LOC128092252: variants seen among roughly 807,000 people sequenced by gnomAD.
chr15:50,683,588 G>C, the LOC128092252 span, among the ~76,000 whole-genome samples: 1 of 152,112 alleles, frequency 6.6e-6, no homozygotes, highest in African/African-American at 2.4e-5. Flanking sequence ...ACAAAAATTA[G>C]CCGGGTGTGG....
chr15:50,679,035 G>A, the LOC128092252 span, among the ~76,000 whole-genome samples: 3,400 of 151,598 alleles, frequency 0.022, 124 homozygotes, highest in African/African-American at 0.078. Context: ...CACCACGCCC[G>A]GCTAATTTTT....
chr15:50,664,954 G>A, the LOC128092252 span, among the ~76,000 whole-genome samples: 5 of 152,218 alleles, frequency 3.3e-5, no homozygotes, highest in African/African-American at 1.2e-4. Context: ...GACAGAGCAA[G>A]ACCCTGTCTT....
At chr15:50,686,414 T>C in the LOC128092252 span, 2 of 1,554,614 alleles carry the variant, frequency 1.3e-6, no homozygotes, top group Non-Finnish European at 1.8e-6. Flanking sequence ...CTCAAGGCAA[T>C]TCGAGGGTCC....
the LOC128092252 span, among the ~76,000 whole-genome samples, chr15:50,658,023 G>C: frequency 3.7e-5 from 2 of 53,814 alleles, no homozygotes; most frequent in African/African-American, 6.9e-5. Flanking sequence ...TTTTTTTTTT[G>C]AGACAGAGTC....
chr15:50,683,187 C>T, the LOC128092252 span, among the ~76,000 whole-genome samples: 1 of 151,470 alleles, frequency 6.6e-6, no homozygotes, highest in South Asian at 2.1e-4. Context: ...TGCACCCTGA[C>T]CCAGGTACCA....
the LOC128092252 span, among the ~76,000 whole-genome samples, chr15:50,676,636 C>T: frequency 1.0e-3 from 152 of 151,998 alleles, no homozygotes; most frequent in Middle Eastern, 6.8e-3. Flanking sequence ...AGAAACCAGA[C>T]GGAGTCTATA....
chr15:50,669,118 G>T, the LOC128092252 span, among the ~76,000 whole-genome samples: 1 of 152,144 alleles, frequency 6.6e-6, no homozygotes, highest in Non-Finnish European at 1.5e-5. Context: ...AAAGGTATTT[G>T]AGGGTACAAA....
At chr15:50,661,171 T>C in the LOC128092252 span, among the ~76,000 whole-genome samples, 2 of 152,008 alleles carry the variant, frequency 1.3e-5, no homozygotes, top group East Asian at 3.9e-4. Flanking sequence ...GAGACAGTGT[T>C]TCACCATGTT....
At chr15:50,659,256 T>C in the LOC128092252 span, among the ~76,000 whole-genome samples, 1 of 151,574 alleles carries the variant, frequency 6.6e-6, no homozygotes, top group South Asian at 2.1e-4. Context: ...CACAGTGGGC[T>C]ACACTATATA....
chr15:50,679,565 T>C, the LOC128092252 span, among the ~76,000 whole-genome samples: 2 of 135,946 alleles, frequency 1.5e-5, no homozygotes, highest in African/African-American at 2.9e-5. Context: ...AGACAGAGTC[T>C]TGTTTTGTCA....
At chr15:50,686,586 C>T in the LOC128092252 span, 4 of 1,605,200 alleles carry the variant, frequency 2.5e-6, no homozygotes, top group Non-Finnish European at 3.4e-6. Context: ...CCTCCTCCTC[C>T]GCGGCCTGTA....
the LOC128092252 span, among the ~76,000 whole-genome samples, chr15:50,665,224 C>T: frequency 6.6e-6 from 1 of 151,604 alleles, no homozygotes; most frequent in African/African-American, 2.4e-5. Context: ...CATGGTGAAA[C>T]CCGTCTCTAC....
At chr15:50,674,976 G>A in the LOC128092252 span, among the ~76,000 whole-genome samples, 1 of 152,066 alleles carries the variant, frequency 6.6e-6, no homozygotes, top group Admixed American at 6.6e-5. Context: ...CTTAAATTGT[G>A]TCACTCCCAT....
At chr15:50,680,325 G>C in the LOC128092252 span, among the ~76,000 whole-genome samples, 2 of 152,164 alleles carry the variant, frequency 1.3e-5, no homozygotes, top group African/African-American at 2.4e-5. Flanking sequence ...TAGATCACTT[G>C]AGACCAGGAG....
the LOC128092252 span, among the ~76,000 whole-genome samples, chr15:50,679,511 AATAT>A: frequency 0.028 from 2,102 of 75,144 alleles, 54 homozygotes; most frequent in Middle Eastern, 0.061. Context: ...GTATATATAT[AATAT>A]ATATATATAT....
At chr15:50,671,821 A>G in the LOC128092252 span, among the ~76,000 whole-genome samples, 3 of 152,034 alleles carry the variant, frequency 2.0e-5, no homozygotes. Context: ...AAAAATTCCT[A>G]TGGCCTACTA....
the LOC128092252 span, among the ~76,000 whole-genome samples, chr15:50,685,559 T>A: frequency 6.6e-6 from 1 of 152,242 alleles, no homozygotes; most frequent in Non-Finnish European, 1.5e-5. Context: ...CTTATTTTAG[T>A]TTTGTATGGC....
the LOC128092252 span, among the ~76,000 whole-genome samples, chr15:50,652,328 C>CAAAAAAAA: frequency 2.3e-4 from 8 of 34,222 alleles, no homozygotes; most frequent in East Asian, 1.0e-3. Flanking sequence ...GACTCCATCT[C>CAAAAAAAA]AAAAAAAAAA....
At chr15:50,678,864 T>C in the LOC128092252 span, among the ~76,000 whole-genome samples, 3 of 129,508 alleles carry the variant, frequency 2.3e-5, no homozygotes, top group Non-Finnish European at 5.0e-5. Context: ...AAACCCATCT[T>C]TGCAAAAACA....
Sources: allele counts gnomAD v4.1 joint callset (sites outside exome capture counted in the v4.1 genomes callset), GRCh38; gene constraint gnomAD v4.1.1; transcripts MANE v1.5.